Variants in PCDHA6 observed in about 807,000 individuals in gnomAD.
The protein encoded by PCDHA6 is protocadherin alpha 6, also known as protocadherin alpha-6.
In PCDHA6, 55 loss-of-function variants were observed where a neutral mutation model predicts 60.3. The ratio of observed to expected loss-of-function variants is 0.91; its 90% CI spans 0.73 to 1.14. The LOEUF is 1.14. PCDHA6 is among the 50% of genes most tolerant of loss of function. PCDHA6 has a pLI of 0.00. For synonymous variants in PCDHA6, 652 were observed against 557.9 expected (o/e 1.17, Z -2.38); for missense variants, 1,327 against 1,256.5 (o/e 1.06, Z -0.85).
intron 1 of PCDHA6, among the ~76,000 whole-genome samples, chr5:140,900,319 C>T (rs1032725241): frequency 3.3e-5 from 5 of 152,046 alleles, no homozygotes; most frequent in Non-Finnish European, 7.3e-5. Flanking sequence ...CTTTTGTCGC[C>T]CAGGCTGGAG....
intron 2 of PCDHA6, among the ~76,000 whole-genome samples, chr5:140,979,231 C>T (rs1203154373): frequency 6.6e-6 from 1 of 152,186 alleles, no homozygotes; most frequent in Non-Finnish European, 1.5e-5. Context: ...TCTGTAAAAT[C>T]ACAGAAACAG....
intron 1 of PCDHA6, chr5:140,843,591 G>A (rs2150363188): frequency 6.3e-7 from 1 of 1,596,134 alleles, no homozygotes; most frequent in Admixed American, 1.7e-5. Flanking sequence ...CAGCCGCAGA[G>A]GGTGTGCTCT....
intron 1 of PCDHA6, chr5:140,867,796 C>A (rs1477266622): frequency 4.6e-5 from 7 of 152,060 alleles, no homozygotes; most frequent in African/African-American, 1.7e-4. Context: ...TTTTACTTAG[C>A]ATTTTCTATG....
chr5:140,869,840 A>G (rs782569950), intron 1 of PCDHA6: 32 of 1,611,616 alleles, frequency 2.0e-5, no homozygotes, highest in Non-Finnish European at 2.6e-5. Context: ...GATAAATCAG[A>G]ATATAAGGTG....
At chr5:140,940,599 C>T (rs1356432549) in intron 1 of PCDHA6, among the ~76,000 whole-genome samples, 2 of 151,918 alleles carry the variant, frequency 1.3e-5, no homozygotes, top group African/African-American at 4.8e-5. Context: ...AGGCATGAGC[C>T]GCTGCTCCTG....
intron 1 of PCDHA6, chr5:140,927,627 T>G (rs145171269): frequency 6.2e-7 from 1 of 1,614,180 alleles, no homozygotes; most frequent in Non-Finnish European, 8.5e-7. Context: ...TTCCAGAGAC[T>G]GCACCCAATG....
intron 1 of PCDHA6, among the ~76,000 whole-genome samples, chr5:140,972,752 C>A (rs1332478312): frequency 1.3e-5 from 2 of 151,214 alleles, no homozygotes; most frequent in Non-Finnish European, 2.9e-5. Context: ...CAACCTCCGC[C>A]TCCCAAGTTA....
At chr5:140,854,065 G>T in intron 1 of PCDHA6, 1 of 276,218 alleles carries the variant, frequency 3.6e-6, no homozygotes, top group Non-Finnish European at 5.5e-6. Context: ...AGGAGGCTGA[G>T]GCGAGAGAAT....
At chr5:140,933,036 A>G (rs545196190) in intron 1 of PCDHA6, among the ~76,000 whole-genome samples, 5 of 152,154 alleles carry the variant, frequency 3.3e-5, no homozygotes, top group South Asian at 4.1e-4. Context: ...CTTCAAGTGA[A>G]TATGGATTAC....
chr5:140,883,467 CCTACAAGAA>C (rs1554178369), intron 1 of PCDHA6: 1 of 1,614,170 alleles, frequency 6.2e-7, no homozygotes, highest in East Asian at 2.2e-5. Flanking sequence ...CTGGTGTCCA[CCTACAAGAA>C]CTACTACTCA....
At chr5:140,864,639 A>C (rs2048553058) in intron 1 of PCDHA6, 1 of 152,238 alleles carries the variant, frequency 6.6e-6, no homozygotes, top group South Asian at 2.1e-4. Flanking sequence ...ACAAAACAAA[A>C]CAATGTCAGC....
chr5:140,948,517 C>A (rs2094265494), intron 1 of PCDHA6, among the ~76,000 whole-genome samples: 1 of 151,496 alleles, frequency 6.6e-6, no homozygotes. Flanking sequence ...AAAATGTTAA[C>A]ACTATTTATA....
chr5:140,997,133 C>G (rs1554255761), intron 3 of PCDHA6, among the ~76,000 whole-genome samples: 1 of 152,092 alleles, frequency 6.6e-6, no homozygotes, highest in Non-Finnish European at 1.5e-5. Flanking sequence ...ACAATGCCCC[C>G]ACACCCCCGC....
chr5:140,835,493 A>T (rs147393584), intron 1 of PCDHA6: 3 of 1,613,914 alleles, frequency 1.9e-6, no homozygotes, highest in African/African-American at 1.3e-5. Context: ...CCGTCATCAC[A>T]TTGATTAGCG....
intron 3 of PCDHA6, among the ~76,000 whole-genome samples, chr5:140,998,223 G>A (rs1554256200): frequency 6.6e-6 from 1 of 152,140 alleles, no homozygotes; most frequent in Non-Finnish European, 1.5e-5. Context: ...ACCACACCCA[G>A]AAATTTGTGC....
rs556197231 is a variant in PCDHA6, at chr5:140,969,709, A to C, written c.2395-9240A>C. The stretch of plus-strand genomic sequence containing the variant: ...AAATGGCCTCTGCTGTATCATCTAC[A>C]GGGAAATTTTTCTTTTGAAATCCTA... On this transcript the variant is annotated intron_variant, in intron 1 of 3. Transcript: ENST00000529310. Among the ~76,000 whole-genome samples, 11 of 152,304 alleles carry C rather than the reference A, an allele frequency of 7.2e-5. No individual in the cohort carries two copies. The East Asian group carries it at 1.5e-3, about 21-fold the overall frequency.
intron 1 of PCDHA6, among the ~76,000 whole-genome samples, chr5:140,895,004 T>C (rs535461448): frequency 6.6e-6 from 1 of 152,316 alleles, no homozygotes; most frequent in East Asian, 1.9e-4. Flanking sequence ...CCCTTTTTAC[T>C]TGGACCTTTT....
intron 1 of PCDHA6, among the ~76,000 whole-genome samples, chr5:140,947,763 A>C (rs1392881813): frequency 1.3e-5 from 2 of 151,658 alleles, no homozygotes; most frequent in Non-Finnish European, 3.0e-5. Context: ...TGGTTTAAAA[A>C]ATTCTATTGT....
rs368773020 is a variant in PCDHA6, at chr5:140,828,862, C to G, written c.771C>G (p.Asn257Lys). ...YEVRIFENAD[N>K]GTTVIRLNAS... Reference sequence around the variant, plus strand: ...TAAGAATATTCGAAAATGCAGACAACGGAACAACAGTTATCAGACTGAATG... The same window carrying G: ...TAAGAATATTCGAAAATGCAGACAAGGGAACAACAGTTATCAGACTGAATG... The change falls in exon 1 of 4, where the codon AAC (asparagine) becomes AAG (lysine). Residue 257 changes from asparagine to lysine, a missense_variant. Coordinates refer to ENST00000529310, the MANE Select transcript of PCDHA6 (RefSeq NM_018909.4). 1.9e-6 allele frequency: 3 copies of G among 1,614,178 alleles called. No individual in the cohort carries two copies. The highest frequency in any genetic ancestry group is 2.5e-6 in the Non-Finnish European group (3 of 1,180,052).
Sources: gnomAD v4.1 joint callset for allele counts (sites outside exome capture counted in the v4.1 genomes callset) on GRCh38, gnomAD v4.1.1 for gene constraint, MANE v1.5 for transcripts, NCBI Gene and HGNC (gene_info 2026-07-23, HGNC 2026-07-21) for gene names.